Variants in BPI observed in about 807,000 individuals in gnomAD.
BPI encodes bactericidal permeability-increasing protein.
In BPI, 48 loss-of-function variants were observed where a neutral mutation model predicts 57.6. The observed-to-expected ratio is 0.83, with a 90% CI of 0.66 to 1.06. The LOEUF (loss-of-function observed/expected upper bound fraction) is 1.06, where lower values mean the gene tolerates loss of function less well. Ranked by LOEUF, BPI falls within the 50% of genes least tolerant of loss-of-function variation. The pLI, the probability that BPI is intolerant of heterozygous loss-of-function variation, is 0.00. For synonymous variants in BPI, 237 were observed against 238.2 expected (o/e 0.99, Z 0.05); for missense variants, 651 against 609.7 (o/e 1.07, Z -0.71).
Position 38,304,305 on chromosome 20 carries a change from G to C in BPI, c.82G>C (p.Val28Leu). The C allele has an allele frequency of 6.2e-7, 1 of 1,614,132 alleles. No individual in the cohort carries two copies. The highest frequency in any genetic ancestry group is 8.5e-7 in the Non-Finnish European group (1 of 1,180,036). ...VAIGTAVTAA[V>L]NPGVVVRISQ... ...CATAGGCACCGCCGTGACAGCGGCC[G>C]TCAACCCTGGCGTCGTGGTCAGGAT... The change falls in exon 1 of 15, where the codon GTC becomes CTC. Residue 28 changes from valine (V) to leucine (L), a missense_variant. By Grantham distance (32) the Val-to-Leu change is conservative. Transcript: ENST00000642449.
intron 7 of BPI, among the ~76,000 whole-genome samples, chr20:38,323,131 C>T (rs2076695084): frequency 6.6e-6 from 1 of 152,050 alleles, no homozygotes; most frequent in South Asian, 2.1e-4. Context: ...GGGTGCCTCT[C>T]CCCCCACCCC....
chr20:38,316,518 T>C (rs2122517401), intron 5 of BPI, among the ~76,000 whole-genome samples: 1 of 152,320 alleles, frequency 6.6e-6, no homozygotes, highest in South Asian at 2.1e-4. Context: ...TGACTCCGCC[T>C]GGGATCCCAA....
At chr20:38,316,478 G>A (rs577346244) in intron 5 of BPI, among the ~76,000 whole-genome samples, 2 of 152,238 alleles carry the variant, frequency 1.3e-5, no homozygotes, top group Admixed American at 1.3e-4. Flanking sequence ...TAAGGCCTGG[G>A]TACTGGCCAC....
intron 3 of BPI, among the ~76,000 whole-genome samples, chr20:38,309,682 G>T (rs2076612988): frequency 6.6e-6 from 1 of 152,202 alleles, no homozygotes. Flanking sequence ...ATAGGCAATG[G>T]CAAGGGTATG....
At chr20:38,310,895 C>T (rs2076618818) in intron 4 of BPI, among the ~76,000 whole-genome samples, 1 of 152,228 alleles carries the variant, frequency 6.6e-6, no homozygotes, top group South Asian at 2.1e-4. Context: ...ATGTCCCAGG[C>T]TCATACTAAG....
At chr20:38,324,883 A>T in intron 9 of BPI, 50 bp downstream of exon 9, 2 of 1,484,734 alleles carry the variant, frequency 1.3e-6, no homozygotes, top group Non-Finnish European at 1.9e-6. Context: ...TTCTGGGAGG[A>T]CAGGGCTTTG....
chr20:38,333,109 C>A (rs999817072), intron 12 of BPI, among the ~76,000 whole-genome samples: 2 of 152,114 alleles, frequency 1.3e-5, no homozygotes, highest in African/African-American at 4.8e-5. Flanking sequence ...GATAAAAATC[C>A]AGCCAGCCAT....
Position 38,324,846 on chromosome 20 carries a change from T to C in BPI, c.993+13T>C. 1 of 1,606,114 alleles carries C rather than the reference T, an allele frequency of 6.2e-7. No homozygotes were observed. Among genetic ancestry groups the C allele is most frequent in the Non-Finnish European group, 8.5e-7 (1 of 1,172,722 alleles). On this transcript the variant is annotated intron_variant, in intron 9 of 14. Transcript: ENST00000642449. Reference sequence around the variant, plus strand: ...CTTCCTACCTGAGGTATGGAAGACCTTGCTTTCCTTTAGTGAGCCCCGGGG... The same window carrying C: ...CTTCCTACCTGAGGTATGGAAGACCCTGCTTTCCTTTAGTGAGCCCCGGGG...
At position 38,305,956 on chromosome 20, in the gene BPI, C is replaced by T. The variant is rs564438706; in HGVS notation, c.130+1603C>T. Among the ~76,000 whole-genome samples, 17 of 152,296 alleles carry T rather than the reference C, an allele frequency of 1.1e-4. No individual in the cohort carries two copies. In the South Asian group the frequency reaches 3.5e-3, roughly 32 times the overall value. On this transcript the variant is annotated intron_variant, in intron 1 of 14. Coordinates refer to ENST00000642449, the MANE Select transcript of BPI (RefSeq NM_001725.3). ...TAATGTGTCTGCCTTTTAATTGGTT[C>T]TTTGATGCTGTTAGCCACATTATAA... is the stretch of plus-strand genomic sequence containing the variant.
At chr20:38,334,098 A>G (rs141604768) in intron 12 of BPI, among the ~76,000 whole-genome samples, 1 of 152,202 alleles carries the variant, frequency 6.6e-6, no homozygotes, top group African/African-American at 2.4e-5. Context: ...GTCTGAGAGG[A>G]CTCATTTTTT....
At position 38,327,648 on chromosome 20, in the gene BPI, C is replaced by T. The variant is rs781763349; in HGVS notation, c.1222C>T (p.Leu408=). ...ESNRLVGELK[L]DRLLLELKHS... is the part of the protein sequence containing the mutation. Reference sequence around the variant, plus strand: ...CAACAGGCTTGTTGGAGAGCTCAAGCTGGATAGGTAAGTGGGCCTGTGAGA... The same window carrying T: ...CAACAGGCTTGTTGGAGAGCTCAAGTTGGATAGGTAAGTGGGCCTGTGAGA... The change falls in exon 11 of 15, where the codon CTG becomes TTG. Residue 408 remains leucine, a synonymous_variant. Coordinates refer to ENST00000642449, the MANE Select transcript of BPI (RefSeq NM_001725.3). The T allele has an allele frequency of 1.9e-6, 3 of 1,613,626 alleles. No individual in the cohort carries two copies. The South Asian group carries it at 3.3e-5, about 18-fold the overall frequency.
intron 5 of BPI, 37 bp from the exon 6 acceptor site, chr20:38,318,376 G>C: frequency 6.3e-7 from 1 of 1,584,010 alleles, no homozygotes; most frequent in Non-Finnish European, 8.7e-7. Flanking sequence ...TTTCACTATG[G>C]GAAGACCTTA....
intron 12 of BPI, among the ~76,000 whole-genome samples, chr20:38,332,655 G>A (rs1407246951): frequency 6.6e-6 from 1 of 152,088 alleles, no homozygotes; most frequent in Non-Finnish European, 1.5e-5. Flanking sequence ...TGGAGCAGTT[G>A]GATGAATGGC....
intron 11 of BPI, among the ~76,000 whole-genome samples, 176 bp from the exon 12 acceptor site, chr20:38,330,872 G>A (rs1401863397): frequency 6.6e-6 from 1 of 152,204 alleles, no homozygotes. Context: ...ACAATGCAGG[G>A]AATGTGTGAA....
chr20:38,325,906 G>A lies in BPI; in HGVS notation c.994-359G>A, dbSNP rs1293168648. Among the ~76,000 whole-genome samples, 3 of 152,200 alleles carry A rather than the reference G, an allele frequency of 2.0e-5. No individual in the cohort carries two copies. In the East Asian group the frequency reaches 5.8e-4, roughly 29 times the overall value. On this transcript the variant is annotated intron_variant, in intron 9 of 14. Transcript: ENST00000642449. ...GTTCCCCCTTGAAGCCACTACTGCT[G>A]TCTGAGAAAGTAACATCTGCAGAGA...
chr20:38,330,976 C>A, intron 11 of BPI, 72 bp from the exon 12 acceptor site: 1 of 1,558,498 alleles, frequency 6.4e-7, no homozygotes, highest in Non-Finnish European at 8.8e-7. Context: ...GTGGGTCTCT[C>A]CTCTCTAGAG....
At position 38,316,837 on chromosome 20, in the gene BPI, G is replaced by A. The variant is rs981797955; in HGVS notation, c.601-1576G>A. On this transcript the variant is annotated intron_variant, in intron 5 of 14. Transcript: ENST00000642449. Reference sequence around the variant, plus strand: ...ACAGTCCAGAGAGTGTGGGTGAGGCGCTGCAGCATCTGCCACAGGGGCCAT... The same window carrying A: ...ACAGTCCAGAGAGTGTGGGTGAGGCACTGCAGCATCTGCCACAGGGGCCAT... 7.9e-5 allele frequency among the ~76,000 whole-genome samples: 12 copies of A among 152,166 alleles called. No individual in the cohort carries two copies. The South Asian group carries it at 1.0e-3, about 13-fold the overall frequency.
At chr20:38,310,745 C>T in intron 4 of BPI, 93 bp downstream of exon 4, 2 of 1,499,000 alleles carry the variant, frequency 1.3e-6, no homozygotes, top group Non-Finnish European at 9.1e-7. Context: ...CAGAGTGCCA[C>T]CTGCATGCCA....
chr20:38,336,340 T>C (rs1266113563), intron 14 of BPI, among the ~76,000 whole-genome samples: 1 of 152,152 alleles, frequency 6.6e-6, no homozygotes, highest in African/African-American at 2.4e-5. Flanking sequence ...CAGGCTTAGC[T>C]GCCACCTGCG....
Sources: allele counts gnomAD v4.1 joint callset (sites outside exome capture counted in the v4.1 genomes callset), GRCh38; gene constraint gnomAD v4.1.1; transcripts MANE v1.5; gene names NCBI Gene and HGNC (gene_info 2026-07-23, HGNC 2026-07-21).